WWOX: variants seen among roughly 807,000 people sequenced by gnomAD.
The protein encoded by WWOX is WW domain containing oxidoreductase.
WWOX carries 69 observed loss-of-function variants against 46.2 expected under a neutral mutation model. The observed-to-expected ratio is 1.49, with a 90% CI of 1.23 to 1.82. The LOEUF is 1.82. Ranked by LOEUF, WWOX falls within the 40% of genes most tolerant of loss-of-function variation. WWOX has a pLI of 0.00. For synonymous variants in WWOX, 359 were observed against 202.6 expected, an observed-to-expected ratio of 1.77 and a Z score of -6.56; for missense variants, 919 against 542.6, an observed-to-expected ratio of 1.69 and a Z score of -6.89.
intron 5 of WWOX, among the ~76,000 whole-genome samples, chr16:78,340,719 C>T (rs13334672): frequency 8.5e-6 from 1 of 117,504 alleles, no homozygotes; most frequent in Non-Finnish European, 2.0e-5. Context: ...AAATATCCCA[C>T]AGAAGGATCT....
intron 8 of WWOX, among the ~76,000 whole-genome samples, chr16:78,455,643 C>CA (rs57754374): frequency 0.031 from 1,884 of 60,510 alleles, 272 homozygotes; most frequent in African/African-American, 0.11. Context: ...GACTCTGTCT[C>CA]AAAAAAAAAA....
At chr16:78,409,119 C>T (rs1251330189) in intron 6 of WWOX, among the ~76,000 whole-genome samples, 1 of 151,820 alleles carries the variant, frequency 6.6e-6, no homozygotes, top group Non-Finnish European at 1.5e-5. Context: ...GTAGATTATT[C>T]ACAGATGTAT....
intron 8 of WWOX, among the ~76,000 whole-genome samples, chr16:78,587,500 AGT>A (rs2045240808): frequency 6.6e-6 from 1 of 152,118 alleles, no homozygotes; most frequent in Non-Finnish European, 1.5e-5. Context: ...TTTCAAGATA[AGT>A]GTCTTATTGA....
In WWOX at chr16:78,836,764, C is replaced by G. The variant is rs532768476; in HGVS notation, c.1057-374844C>G. Among the ~76,000 whole-genome samples, 6 of 152,270 alleles carry G rather than the reference C, an allele frequency of 3.9e-5. No homozygotes were observed. The East Asian group carries it at 1.2e-3, about 29-fold the overall frequency. Reference sequence around the variant, plus strand: ...GAGGCTGGACCCCAGGATTTCTGACCTAATTTCTGATCTCTTTAATTATTC... The same window carrying G: ...GAGGCTGGACCCCAGGATTTCTGACGTAATTTCTGATCTCTTTAATTATTC... On this transcript the variant is annotated intron_variant, in intron 8 of 8. Transcript: ENST00000566780.
intron 8 of WWOX, among the ~76,000 whole-genome samples, chr16:78,469,571 A>G (rs1336974986): frequency 6.6e-6 from 1 of 152,154 alleles, no homozygotes; most frequent in Non-Finnish European, 1.5e-5. Context: ...GGGCTTTTGG[A>G]TAAAAGGGGT....
chr16:78,996,660 C>T (rs937560330), intron 8 of WWOX, among the ~76,000 whole-genome samples: 1 of 152,018 alleles, frequency 6.6e-6, no homozygotes, highest in East Asian at 1.9e-4. Context: ...TGCTCTACAT[C>T]CCCCCAAAAT....
At chr16:78,241,450 G>A (rs968118093) in intron 5 of WWOX, among the ~76,000 whole-genome samples, 21 of 151,916 alleles carry the variant, frequency 1.4e-4, no homozygotes, top group Non-Finnish European at 1.3e-4. Context: ...TGTTTTGAGA[G>A]GGAGTTTTAC....
intron 5 of WWOX, among the ~76,000 whole-genome samples, chr16:78,190,912 T>A (rs760008562): frequency 6.6e-5 from 10 of 152,184 alleles, no homozygotes; most frequent in Non-Finnish European, 1.3e-4. Context: ...TTGTTGTTTT[T>A]TTGGGACCCA....
At chr16:78,921,633 G>A (rs189290271) in intron 8 of WWOX, among the ~76,000 whole-genome samples, 21 of 152,292 alleles carry the variant, frequency 1.4e-4, no homozygotes, top group Admixed American at 6.5e-4. Context: ...GATTCTGGAT[G>A]ACCTACAGGT....
intron 8 of WWOX, among the ~76,000 whole-genome samples, chr16:79,037,229 C>G (rs182875328): frequency 2.0e-5 from 3 of 152,136 alleles, no homozygotes; most frequent in African/African-American, 7.2e-5. Context: ...TTCATTTGTT[C>G]GTTCTCTCTC....
chr16:78,509,014 G>T (rs1282578408), intron 8 of WWOX, among the ~76,000 whole-genome samples: 1 of 152,266 alleles, frequency 6.6e-6, no homozygotes, highest in Non-Finnish European at 1.5e-5. Context: ...TGCATGTGTG[G>T]CTTTGTAGAC....
At chr16:78,655,271 A>C (rs1217743393) in intron 8 of WWOX, among the ~76,000 whole-genome samples, 1 of 152,120 alleles carries the variant, frequency 6.6e-6, no homozygotes, top group African/African-American at 2.4e-5. Flanking sequence ...CGTGGGCACT[A>C]ATTTGATTTG....
intron 8 of WWOX, among the ~76,000 whole-genome samples, chr16:78,860,348 T>G (rs1316490622): frequency 1.3e-5 from 2 of 152,240 alleles, no homozygotes; most frequent in Non-Finnish European, 2.9e-5. Flanking sequence ...CTTGGCCCCC[T>G]TTGGATATAA....
intron 8 of WWOX, among the ~76,000 whole-genome samples, chr16:79,165,621 A>G (rs1431299295): frequency 6.6e-6 from 1 of 152,166 alleles, no homozygotes; most frequent in Non-Finnish European, 1.5e-5. Context: ...CGTGCTTCTC[A>G]GGACTCATTG....
At chr16:78,459,245 G>A (rs1016834631) in intron 8 of WWOX, among the ~76,000 whole-genome samples, 1 of 152,224 alleles carries the variant, frequency 6.6e-6, no homozygotes. Context: ...ACTGTCGTAA[G>A]TTCACACTGA....
chr16:78,794,840 C>A (rs1443522392), intron 8 of WWOX, among the ~76,000 whole-genome samples: 1 of 152,260 alleles, frequency 6.6e-6, no homozygotes, highest in East Asian at 1.9e-4. Flanking sequence ...GAACTGCCAA[C>A]TGTGGCTGCT....
intron 8 of WWOX, among the ~76,000 whole-genome samples, chr16:78,820,582 T>C (rs2051466360): frequency 1.3e-5 from 2 of 152,166 alleles, no homozygotes; most frequent in African/African-American, 2.4e-5. Context: ...AGTGTGGCCC[T>C]TCCTTGAAAT....
At chr16:78,948,401 C>A (rs973405844) in intron 8 of WWOX, among the ~76,000 whole-genome samples, 1 of 152,182 alleles carries the variant, frequency 6.6e-6, no homozygotes, top group Admixed American at 6.5e-5. Context: ...GAACTTGTAT[C>A]TTTTCTGGGT....
At position 79,212,046 on chromosome 16, in the gene WWOX, A is replaced by G; in HGVS notation, c.*250A>G. The G allele has an allele frequency of 6.5e-7, 1 of 1,536,284 alleles. No homozygotes were observed. The highest frequency in any genetic ancestry group is 8.7e-7 in the Non-Finnish European group (1 of 1,146,926). On this transcript the variant is annotated 3_prime_UTR_variant, in exon 9 of 9. Transcript: ENST00000566780. Reference sequence around the variant, plus strand: ...TGCTTTCTGGTGGTGGCCTGTTTGAAAGTAAAAACCTGCTTGGTGTGTAGG... The same window carrying G: ...TGCTTTCTGGTGGTGGCCTGTTTGAGAGTAAAAACCTGCTTGGTGTGTAGG...
Sources: allele counts gnomAD v4.1 joint callset (sites outside exome capture counted in the v4.1 genomes callset), GRCh38; gene constraint gnomAD v4.1.1; transcripts MANE v1.5; gene names NCBI Gene and HGNC (gene_info 2026-07-23, HGNC 2026-07-21).